Variants in XRCC1 observed in about 807,000 individuals in gnomAD.
The protein encoded by XRCC1 is X-ray repair cross complementing 1.
XRCC1 carries 52 observed loss-of-function variants against 83.3 expected under a neutral mutation model. The observed-to-expected ratio is 0.62, with a 90% CI of 0.50 to 0.79. The LOEUF (loss-of-function observed/expected upper bound fraction) is 0.79, where lower values mean the gene tolerates loss of function less well. Ranked by LOEUF, XRCC1 falls within the 30% of genes least tolerant of loss-of-function variation. The pLI is 0.00. For missense variants in XRCC1, 793 were observed against 823.5 expected, an observed-to-expected ratio of 0.96 and a Z score of 0.45; for synonymous variants, 281 against 312.6, an observed-to-expected ratio of 0.90 and a Z score of 1.07.
chr19:43,552,084 G>T lies in XRCC1; in HGVS notation c.1015C>A (p.Arg339=), dbSNP rs574450911. The change falls in exon 9 of 17, where the codon CGA becomes AGA. Residue 339 remains arginine (R), a synonymous_variant. Coordinates refer to ENST00000262887, the MANE Select transcript of XRCC1 (RefSeq NM_006297.3). ...GCCCCAAGCTCTAGGGCCTTATCTC[G>T]CAGCTCGGAGCGGAAGGGGTTCTGG... The part of the protein sequence containing the change: ...GFQNPFRSEL[R]DKALELGAKY... 6.2e-7 allele frequency: 1 copy of T among 1,614,068 alleles called. No homozygotes were observed. Among genetic ancestry groups the T allele is most frequent in the Non-Finnish European group, 8.5e-7 (1 of 1,179,990 alleles).
At chr19:43,549,518 C>T (rs1469793561) in intron 10 of XRCC1, among the ~76,000 whole-genome samples, 2 of 152,180 alleles carry the variant, frequency 1.3e-5, no homozygotes, top group Non-Finnish European at 2.9e-5. Flanking sequence ...ACCTTGGCCT[C>T]CCAAAGTGCT....
intron 11 of XRCC1, 33 bp from the exon 12 acceptor site, chr19:43,546,760 AG>A (rs1972515095): frequency 6.3e-7 from 1 of 1,599,880 alleles, no homozygotes; most frequent in Non-Finnish European, 8.5e-7. Flanking sequence ...TGAGGAGGGC[AG>A]GAACAGTGTG....
At chr19:43,565,815 A>C (rs1258154489) in intron 2 of XRCC1, among the ~76,000 whole-genome samples, 1 of 152,100 alleles carries the variant, frequency 6.6e-6, no homozygotes, top group Non-Finnish European at 1.5e-5. Context: ...CACGCACCTC[A>C]ATAATCCCAG....
At chr19:43,563,226 C>T (rs1568516984) in intron 2 of XRCC1, among the ~76,000 whole-genome samples, 1 of 152,146 alleles carries the variant, frequency 6.6e-6, no homozygotes. Context: ...GTGGCTCACA[C>T]CCGTAATACC....
intron 2 of XRCC1, among the ~76,000 whole-genome samples, chr19:43,568,655 G>A (rs991414734): frequency 1.1e-4 from 16 of 151,440 alleles, no homozygotes; most frequent in African/African-American, 3.9e-4. Flanking sequence ...GAGGCGGTAG[G>A]TATATATGCT....
chr19:43,565,708 G>A (rs1479808087), intron 2 of XRCC1, among the ~76,000 whole-genome samples: 1 of 152,216 alleles, frequency 6.6e-6, no homozygotes, highest in Non-Finnish European at 1.5e-5. Flanking sequence ...GGTGGAGGCG[G>A]GAGAATCACT....
intron 2 of XRCC1, among the ~76,000 whole-genome samples, chr19:43,569,582 A>G (rs1972787911): frequency 6.6e-6 from 1 of 152,172 alleles, no homozygotes; most frequent in African/African-American, 2.4e-5. Flanking sequence ...CAGGAGTTCG[A>G]GACCAGCCTG....
chr19:43,574,199 G>A (rs778939373), intron 2 of XRCC1, among the ~76,000 whole-genome samples: 18 of 151,532 alleles, frequency 1.2e-4, no homozygotes, highest in South Asian at 4.2e-4. Context: ...CCTCAGACTC[G>A]CCAGTAGCTG....
At chr19:43,564,700 A>C (rs1160239664) in intron 2 of XRCC1, among the ~76,000 whole-genome samples, 1 of 152,006 alleles carries the variant, frequency 6.6e-6, no homozygotes, top group African/African-American at 2.4e-5. Context: ...AGGCAGGAGA[A>C]TTGCTTAAAC....
intron 2 of XRCC1, among the ~76,000 whole-genome samples, chr19:43,564,717 G>C (rs1034788646): frequency 1.3e-5 from 2 of 151,230 alleles, no homozygotes; most frequent in Non-Finnish European, 3.0e-5. Flanking sequence ...AAACCGGGGG[G>C]GCGGAGGTTG....
Position 43,553,674 on chromosome 19 carries a change from AG to A in XRCC1, c.423del (p.Phe142LeufsTer3). The A allele has an allele frequency of 6.6e-7, 1 of 1,516,774 alleles. No homozygotes were observed. Among genetic ancestry groups the A allele is most frequent in the Non-Finnish European group, 8.9e-7 (1 of 1,126,354 alleles). The allele number at this position is 1,516,774 out of a possible 1,614,324, so 94.0% of individuals were successfully genotyped here. A position where few individuals can be genotyped will look rare whatever the true frequency, so the allele number is the denominator to read the frequency against. On this transcript the variant is annotated frameshift_variant, in exon 5 of 17. Coordinates refer to ENST00000262887, the MANE Select transcript of XRCC1 (RefSeq NM_006297.3). LOFTEE classifies it high-confidence loss of function. ...VCSQPYSKDS[P>X]FGLSFVRFHS... ...TGAAACCGTACAAAACTCAAGCCAAAGGGGGAGTCCTGGGAAAGGAGGGGTG... is the reference window on the plus strand; with the variant it reads ...TGAAACCGTACAAAACTCAAGCCAAAGGGGAGTCCTGGGAAAGGAGGGGTG...
Position 43,553,447 on chromosome 19 carries a change from C to G in XRCC1, c.555G>C (p.Leu185=), listed in dbSNP as rs1444172023. 3.1e-6 allele frequency: 5 copies of G among 1,614,060 alleles called. No homozygotes were observed. The highest frequency in any genetic ancestry group is 1.1e-5 in the South Asian group (1 of 91,084). Residue 185 remains leucine (L), a synonymous_variant, in exon 6 of 17, where the codon CTG becomes CTC. Coordinates refer to ENST00000262887, the MANE Select transcript of XRCC1 (RefSeq NM_006297.3). The part of the protein sequence containing the change: ...VKEEDESANS[L]RPGALFFSRI... ...GGCTGAAGAAGAGAGCCCCCGGCCT[C>G]AGAGAGTTGGCGCTCTCATCCTCCT...
At chr19:43,573,482 G>A (rs988669066) in intron 2 of XRCC1, among the ~76,000 whole-genome samples, 1 of 152,144 alleles carries the variant, frequency 6.6e-6, no homozygotes, top group Non-Finnish European at 1.5e-5. Flanking sequence ...GGGAGGGAGA[G>A]GAGTGGATAT....
Position 43,543,693 on chromosome 19 carries a change from G to A in XRCC1, c.1713-6C>T, listed in dbSNP as rs753008167. ...TCATATAGTCCTCGAGCTCCCTGGC[G>A]GGAGAGAAGAAAAGAGGTAGAAGGC... On this transcript the variant is annotated splice_region_variant and splice_polypyrimidine_tract_variant and intron_variant, in intron 15 of 16. Transcript: ENST00000262887. 9 of 1,613,734 alleles carry A rather than the reference G, an allele frequency of 5.6e-6. No individual in the cohort carries two copies. Among genetic ancestry groups the A allele is most frequent in the African/African-American group, 1.3e-5 (1 of 74,832 alleles).
At chr19:43,546,199 C>A (rs1399281381) in intron 12 of XRCC1, 93 bp from the exon 13 acceptor site, 7 of 1,432,354 alleles carry the variant, frequency 4.9e-6, no homozygotes, top group Non-Finnish European at 6.8e-6. Flanking sequence ...GCATCTCATG[C>A]CCCCAGCCTC....
At position 43,546,044 on chromosome 19, in the gene XRCC1, A is replaced by G. The variant is rs370604188; in HGVS notation, c.1481+8T>C. Reference sequence around the variant, plus strand: ...CAGGGACACCCCAACCCCCAGCCCCAGCCCTACCTCCTCAGCTCATCCTCT... The same window carrying G: ...CAGGGACACCCCAACCCCCAGCCCCGGCCCTACCTCCTCAGCTCATCCTCT... On this transcript the variant is annotated splice_region_variant and intron_variant, in intron 13 of 16. Coordinates refer to ENST00000262887, the MANE Select transcript of XRCC1 (RefSeq NM_006297.3). 5.0e-6 allele frequency: 8 copies of G among 1,607,950 alleles called. No individual in the cohort carries two copies. Among genetic ancestry groups the G allele is most frequent in the Non-Finnish European group, 6.8e-6 (8 of 1,177,904 alleles).
intron 10 of XRCC1, 27 bp downstream of exon 10, chr19:43,551,544 G>C (rs747145064): frequency 6.3e-7 from 1 of 1,583,706 alleles, no homozygotes; most frequent in African/African-American, 1.3e-5. Flanking sequence ...ACAGGATAAG[G>C]AGCAGGGTTG....
At chr19:43,571,086 G>A (rs1044553934) in intron 2 of XRCC1, among the ~76,000 whole-genome samples, 7 of 150,454 alleles carry the variant, frequency 4.7e-5, no homozygotes, top group Non-Finnish European at 1.0e-4. Context: ...TCCTCTGCTC[G>A]GAGCCCTCCG....
At chr19:43,544,306 G>A in intron 14 of XRCC1, 72 bp from the exon 15 acceptor site, 1 of 1,349,946 alleles carries the variant, frequency 7.4e-7, no homozygotes, top group Non-Finnish European at 1.0e-6. Flanking sequence ...GGAGTGACGA[G>A]GCTGACCCAG....
Sources: allele counts gnomAD v4.1 joint callset (sites outside exome capture counted in the v4.1 genomes callset), GRCh38; gene constraint gnomAD v4.1.1; transcripts MANE v1.5; gene names NCBI Gene and HGNC (gene_info 2026-07-23, HGNC 2026-07-21).